MTUS1: variants seen among roughly 807,000 people sequenced by gnomAD.
MTUS1 encodes the protein microtubule associated scaffold protein 1, also known as microtubule-associated tumor suppressor 1.
A neutral mutation model predicts 120.8 loss-of-function variants in MTUS1; 109 were observed. The ratio of observed to expected loss-of-function variants is 0.90; its 90% CI spans 0.77 to 1.06. The LOEUF (loss-of-function observed/expected upper bound fraction) is 1.06. Ranked by LOEUF, MTUS1 falls within the 50% of genes least tolerant of loss-of-function variation. MTUS1 has a pLI of 0.00. For synonymous variants in MTUS1, 737 were observed against 550.5 expected (o/e 1.34, Z -4.74); for missense variants, 2,210 against 1,486.3 (o/e 1.49, Z -8.01).
At chr8:17,765,618 CAAAA>C (rs3039983) in intron 1 of MTUS1, among the ~76,000 whole-genome samples, 2 of 94,482 alleles carry the variant, frequency 2.1e-5, no homozygotes, top group South Asian at 4.2e-4. Context: ...GACTCTGTCT[CAAAA>C]AAAAAAAAAA....
intron 3 of MTUS1, among the ~76,000 whole-genome samples, chr8:17,736,823 G>A (rs896531790): frequency 1.4e-4 from 22 of 152,138 alleles, no homozygotes; most frequent in Admixed American, 2.0e-4. Context: ...GACCTCAAGT[G>A]ATCCATCTGC....
At chr8:17,752,878 G>A (rs754969909) in intron 2 of MTUS1, among the ~76,000 whole-genome samples, 1 of 152,082 alleles carries the variant, frequency 6.6e-6, no homozygotes, top group African/African-American at 2.4e-5. Flanking sequence ...CATGCCCAAC[G>A]ACCAACAGTG....
intron 8 of MTUS1, among the ~76,000 whole-genome samples, chr8:17,672,903 G>T (rs566596538): frequency 2.0e-5 from 3 of 152,148 alleles, no homozygotes; most frequent in African/African-American, 4.8e-5. Flanking sequence ...CCCCAACTGC[G>T]GTTGCTTAAT....
At chr8:17,657,659 TA>T (rs60180794) in intron 8 of MTUS1, among the ~76,000 whole-genome samples, 391 of 136,162 alleles carry the variant, frequency 2.9e-3, no homozygotes, top group Non-Finnish European at 4.4e-3. Flanking sequence ...CTCTTAAAAT[TA>T]AAAAAAAAAA....
At chr8:17,764,829 C>T (rs1401599200) in intron 1 of MTUS1, among the ~76,000 whole-genome samples, 1 of 152,168 alleles carries the variant, frequency 6.6e-6, no homozygotes, top group African/African-American at 2.4e-5. Context: ...CCCGTGGTCC[C>T]CAACCTTTTT....
At chr8:17,771,520 A>T (rs2050022077) in intron 1 of MTUS1, among the ~76,000 whole-genome samples, 1 of 152,228 alleles carries the variant, frequency 6.6e-6, no homozygotes, top group African/African-American at 2.4e-5. Flanking sequence ...TGCTCTCAGC[A>T]ATGTGAATAA....
chr8:17,775,743 C>T (rs936623847), intron 1 of MTUS1, among the ~76,000 whole-genome samples: 3 of 152,160 alleles, frequency 2.0e-5, no homozygotes, highest in Non-Finnish European at 2.9e-5. Context: ...ACATCTGGAC[C>T]CATGGCCACC....
intron 9 of MTUS1, 104 bp from the exon 10 acceptor site, chr8:17,654,770 C>A: frequency 3.9e-6 from 3 of 766,612 alleles, no homozygotes; most frequent in Non-Finnish European, 6.7e-6. Flanking sequence ...CACAGGTAAG[C>A]GTGGGCTCTA....
chr8:17,785,945 C>T (rs1043332286), intron 1 of MTUS1, among the ~76,000 whole-genome samples: 1 of 152,262 alleles, frequency 6.6e-6, no homozygotes, highest in Admixed American at 6.5e-5. Context: ...AGTTCAAGAC[C>T]AGCCCGGGCG....
chr8:17,715,720 C>T, intron 5 of MTUS1, 47 bp downstream of exon 5: 2 of 1,557,620 alleles, frequency 1.3e-6, no homozygotes, highest in Non-Finnish European at 1.7e-6. Context: ...AAGCCAAGGA[C>T]TTTAAGCGTC....
chr8:17,732,670 G>C (rs986625541), intron 3 of MTUS1, among the ~76,000 whole-genome samples: 1 of 152,064 alleles, frequency 6.6e-6, no homozygotes, highest in Non-Finnish European at 1.5e-5. Flanking sequence ...ATGTAACTGA[G>C]TTTCAGATCT....
chr8:17,737,155 G>GCACC lies in MTUS1; in HGVS notation c.2287+6448_2287+6449insGGTG, dbSNP rs1207495170. ...TGCACGTAAAGGACCAGGGTTAAGA[G>GCACC]CACAGACTGTGGGGCCAGAACACCC... On this transcript the variant is annotated intron_variant, in intron 3 of 14. Coordinates refer to ENST00000693296, the MANE Select transcript of MTUS1 (RefSeq NM_001363059.2). Among the ~76,000 whole-genome samples the GCACC allele has an allele frequency of 2.6e-5, 4 of 152,280 alleles. No individual in the cohort carries two copies. The East Asian group carries it at 7.7e-4, about 29-fold the overall frequency.
chr8:17,684,402 G>C lies in MTUS1; in HGVS notation c.2764C>G (p.Leu922Val). 3 of 1,614,170 alleles carry C rather than the reference G, an allele frequency of 1.9e-6. No individual in the cohort carries two copies. The highest frequency in any genetic ancestry group is 2.5e-6 in the Non-Finnish European group (3 of 1,180,018). ...CENQSGFILQ[L>V]KQLLACGNTK... ...TTACCACAGGCAAGAAGCTGCTTGA[G>C]CTGCAGGATAAATCCACTTTGGTTT... Residue 922 changes from leucine to valine, a missense_variant, in exon 7 of 15, where the codon CTC becomes GTC. Leu to Val is a conservative substitution (Grantham distance 32). Transcript: ENST00000693296.
At chr8:17,724,697 T>C (rs1207819723) in intron 3 of MTUS1, among the ~76,000 whole-genome samples, 2 of 152,200 alleles carry the variant, frequency 1.3e-5, no homozygotes, top group Non-Finnish European at 2.9e-5. Flanking sequence ...AATATGGGCA[T>C]TTCCCAAGCC....
At chr8:17,740,980 C>A (rs1388072449) in intron 3 of MTUS1, among the ~76,000 whole-genome samples, 1 of 152,158 alleles carries the variant, frequency 6.6e-6, no homozygotes, top group Admixed American at 6.5e-5. Context: ...ATTCTCCTGC[C>A]TCACCCTCCC....
At chr8:17,651,808 G>A (rs1345760305) in intron 12 of MTUS1, 1 of 152,140 alleles carries the variant, frequency 6.6e-6, no homozygotes, top group Non-Finnish European at 1.5e-5. Context: ...GGCTGCAGTA[G>A]AAGAATCCCC....
At chr8:17,743,303 GA>G (rs2047477662) in intron 3 of MTUS1, among the ~76,000 whole-genome samples, 1 of 152,062 alleles carries the variant, frequency 6.6e-6, no homozygotes, top group Non-Finnish European at 1.5e-5. Flanking sequence ...TTAACCATTT[GA>G]AAAAACTTAA....
intron 1 of MTUS1, among the ~76,000 whole-genome samples, chr8:17,778,304 T>C (rs1766517941): frequency 6.6e-6 from 1 of 152,176 alleles, no homozygotes; most frequent in Non-Finnish European, 1.5e-5. Context: ...TCCATTTATA[T>C]AATATTCTGG....
At position 17,776,590 on chromosome 8, in the gene MTUS1, A is replaced by T. The variant is rs991295359; in HGVS notation, c.-154-20629T>A. Among the ~76,000 whole-genome samples, 20 of 150,690 alleles carry T rather than the reference A, an allele frequency of 1.3e-4. 1 individual carries two copies. The highest frequency in any genetic ancestry group is 2.1e-4 in the Non-Finnish European group (14 of 67,816). ...GCTACTTGGGAGGCTGAGGCAGCAG[A>T]ATCACTTGAACTCGGGAGGTGGAGG... is the stretch of plus-strand genomic sequence containing the variant. On this transcript the variant is annotated intron_variant, in intron 1 of 14. Coordinates refer to ENST00000693296, the MANE Select transcript of MTUS1 (RefSeq NM_001363059.2).
Sources: gnomAD v4.1 joint callset for allele counts (sites outside exome capture counted in the v4.1 genomes callset) on GRCh38, gnomAD v4.1.1 for gene constraint, MANE v1.5 for transcripts, NCBI Gene and HGNC (gene_info 2026-07-23, HGNC 2026-07-21) for gene names.